Variants in LRP1B observed in about 807,000 individuals in gnomAD.
LRP1B encodes LDL receptor related protein 1B, also known as low-density lipoprotein receptor-related protein 1B.
A neutral mutation model predicts 556.6 loss-of-function variants in LRP1B; 217 were observed. The observed-to-expected ratio is 0.39, with a 90% CI of 0.35 to 0.44. The LOEUF (loss-of-function observed/expected upper bound fraction) is 0.44. Among genes scored for constraint, LRP1B ranks in the 20% least tolerant of loss-of-function variants. The pLI is 1.00. For missense variants in LRP1B, 5,053 were observed against 5,620.8 expected (o/e 0.90, Z 3.23); for synonymous variants, 2,047 against 1,865.8 (o/e 1.10, Z -2.50).
At chr2:141,065,446 A>T (rs980968153) in intron 7 of LRP1B, among the ~76,000 whole-genome samples, 1 of 151,972 alleles carries the variant, frequency 6.6e-6, no homozygotes, top group African/African-American at 2.4e-5. Context: ...ATTGAACATG[A>T]TACATTGTGT....
At chr2:140,569,628 C>T (rs1681248929) in intron 43 of LRP1B, among the ~76,000 whole-genome samples, 1 of 151,828 alleles carries the variant, frequency 6.6e-6, no homozygotes, top group Non-Finnish European at 1.5e-5. Flanking sequence ...CAGTATTGAA[C>T]AGAGGATCTA....
chr2:140,437,009 G>T (rs775694718), intron 66 of LRP1B, among the ~76,000 whole-genome samples: 4 of 152,156 alleles, frequency 2.6e-5, no homozygotes, highest in Admixed American at 6.6e-5. Context: ...CACAGGACCT[G>T]GGAGGTTTAC....
At chr2:140,492,971 A>G (rs2104864676) in intron 56 of LRP1B, among the ~76,000 whole-genome samples, 1 of 152,294 alleles carries the variant, frequency 6.6e-6, no homozygotes, top group South Asian at 2.1e-4. Context: ...ATTAGTAGAA[A>G]ATATCTGCTG....
chr2:141,575,062 G>A (rs985877426), intron 2 of LRP1B, among the ~76,000 whole-genome samples: 10 of 151,938 alleles, frequency 6.6e-5, no homozygotes, highest in East Asian at 1.9e-4. Context: ...TGCTATTCCC[G>A]TCAAACTACC....
intron 23 of LRP1B, among the ~76,000 whole-genome samples, chr2:140,894,063 T>C (rs932639183): frequency 1.3e-5 from 2 of 152,156 alleles, no homozygotes; most frequent in African/African-American, 4.8e-5. Context: ...TATGTAAATG[T>C]GTCATTTTTT....
intron 1 of LRP1B, among the ~76,000 whole-genome samples, chr2:141,938,180 G>GA (rs1700693610): frequency 6.6e-6 from 1 of 152,074 alleles, no homozygotes; most frequent in Admixed American, 6.6e-5. Context: ...CCTACAGACT[G>GA]AAAATTTATT....
intron 86 of LRP1B, among the ~76,000 whole-genome samples, chr2:140,250,509 C>T (rs1258505404): frequency 1.3e-5 from 2 of 151,096 alleles, no homozygotes; most frequent in African/African-American, 2.4e-5. Context: ...ATTGATTTAA[C>T]ATTCTTTGAC....
At chr2:140,349,088 C>T (rs1216641708) in intron 77 of LRP1B, among the ~76,000 whole-genome samples, 1 of 152,026 alleles carries the variant, frequency 6.6e-6, no homozygotes, top group East Asian at 1.9e-4. Context: ...GTGCAGAGCT[C>T]AGCTCCCTCA....
At chr2:140,582,124 T>TA (rs948347982) in intron 43 of LRP1B, among the ~76,000 whole-genome samples, 32 of 151,788 alleles carry the variant, frequency 2.1e-4, no homozygotes, top group South Asian at 2.1e-4. Flanking sequence ...AAACCATAAT[T>TA]AAAAAAAAAT....
At chr2:141,381,486 A>C (rs887130975) in intron 3 of LRP1B, among the ~76,000 whole-genome samples, 2 of 152,174 alleles carry the variant, frequency 1.3e-5, no homozygotes, top group Non-Finnish European at 2.9e-5. Context: ...TTACTTGAAA[A>C]TTAATGGCTA....
intron 11 of LRP1B, among the ~76,000 whole-genome samples, chr2:141,045,657 A>T (rs574352801): frequency 1.2e-4 from 18 of 151,970 alleles, no homozygotes; most frequent in Admixed American, 9.8e-4. Context: ...CTGGCTTATT[A>T]TTCCCTTTCT....
At chr2:140,921,718 T>C (rs1694741783) in intron 21 of LRP1B, among the ~76,000 whole-genome samples, 1 of 152,044 alleles carries the variant, frequency 6.6e-6, no homozygotes, top group Non-Finnish European at 1.5e-5. Flanking sequence ...GGAAACACAA[T>C]TTCCTTGCTA....
At chr2:140,520,068 A>G (rs1466724937) in intron 49 of LRP1B, among the ~76,000 whole-genome samples, 1 of 152,162 alleles carries the variant, frequency 6.6e-6, no homozygotes, top group African/African-American at 2.4e-5. Context: ...AGGATCTAGA[A>G]CTAGAAATAT....
intron 2 of LRP1B, among the ~76,000 whole-genome samples, chr2:141,757,155 A>G (rs983666435): frequency 6.6e-6 from 1 of 152,214 alleles, no homozygotes; most frequent in East Asian, 1.9e-4. Context: ...GATAGATGAA[A>G]AGCAGCAACA....
intron 23 of LRP1B, among the ~76,000 whole-genome samples, chr2:140,889,207 A>C (rs750528624): frequency 8.5e-5 from 13 of 152,228 alleles, no homozygotes; most frequent in Non-Finnish European, 1.8e-4. Context: ...TTAAAACAGC[A>C]AGACCACACC....
At chr2:141,374,404 T>A (rs537089425) in intron 3 of LRP1B, among the ~76,000 whole-genome samples, 40 of 152,308 alleles carry the variant, frequency 2.6e-4, no homozygotes, top group African/African-American at 8.9e-4. Context: ...GTCTCCTATA[T>A]CTGAATGTCT....
At chr2:141,623,041 C>T (rs1285534763) in intron 2 of LRP1B, among the ~76,000 whole-genome samples, 1 of 152,154 alleles carries the variant, frequency 6.6e-6, no homozygotes, top group Admixed American at 6.5e-5. Flanking sequence ...TCCTTGAAGA[C>T]TACGGCAAGT....
chr2:142,050,853 A>T (rs963234349), intron 1 of LRP1B, among the ~76,000 whole-genome samples: 2 of 152,178 alleles, frequency 1.3e-5, no homozygotes, highest in Non-Finnish European at 2.9e-5. Flanking sequence ...ACCTCCAAAC[A>T]TTCTACCTCA....
At chr2:140,486,374 T>C (rs1381923493) in intron 58 of LRP1B, among the ~76,000 whole-genome samples, 1 of 151,980 alleles carries the variant, frequency 6.6e-6, no homozygotes, top group Non-Finnish European at 1.5e-5. Context: ...TCTCCTATAC[T>C]TAAATGCAAG....
Sources: gnomAD v4.1 joint callset for allele counts (sites outside exome capture counted in the v4.1 genomes callset) on GRCh38, gnomAD v4.1.1 for gene constraint, MANE v1.5 for transcripts, NCBI Gene and HGNC (gene_info 2026-07-23, HGNC 2026-07-21) for gene names.